WWOX: variants seen among roughly 807,000 people sequenced by gnomAD.
The protein encoded by WWOX is WW domain containing oxidoreductase.
In WWOX, 69 loss-of-function variants were observed where a neutral mutation model predicts 46.2. That is an observed-to-expected ratio of 1.49 (90% confidence interval 1.23 to 1.82). WWOX has a LOEUF of 1.82. Among genes scored for constraint, WWOX ranks in the 40% most tolerant of loss-of-function variants. WWOX has a pLI of 0.00. For missense variants in WWOX, 919 were observed against 542.6 expected, an observed-to-expected ratio of 1.69 and a Z score of -6.89; for synonymous variants, 359 against 202.6, an observed-to-expected ratio of 1.77 and a Z score of -6.56.
chr16:78,554,634 AG>A (rs1358853736), intron 8 of WWOX, among the ~76,000 whole-genome samples: 16 of 152,186 alleles, frequency 1.1e-4, no homozygotes, highest in East Asian at 9.7e-4. Flanking sequence ...CCTTTGGACA[AG>A]AAAAAATCCC....
chr16:78,510,489 A>T (rs1268740032), intron 8 of WWOX, among the ~76,000 whole-genome samples: 1 of 152,206 alleles, frequency 6.6e-6, no homozygotes, highest in Non-Finnish European at 1.5e-5. Flanking sequence ...CTGGGATTAC[A>T]GTCGTGAGCC....
chr16:78,304,570 A>G (rs1237157388), intron 5 of WWOX, among the ~76,000 whole-genome samples: 2 of 152,226 alleles, frequency 1.3e-5, no homozygotes, highest in African/African-American at 4.8e-5. Flanking sequence ...ACAATATTTC[A>G]TAGAGACTTT....
intron 8 of WWOX, among the ~76,000 whole-genome samples, chr16:78,697,950 G>A (rs1016570382): frequency 3.3e-5 from 5 of 152,062 alleles, no homozygotes; most frequent in African/African-American, 1.2e-4. Flanking sequence ...AATCACTCCA[G>A]GTTTTTCTTG....
chr16:78,964,074 C>G (rs1201356537), intron 8 of WWOX, among the ~76,000 whole-genome samples: 2 of 152,252 alleles, frequency 1.3e-5, no homozygotes, highest in East Asian at 1.9e-4. Flanking sequence ...CTTTTTCTTC[C>G]CGGTCTCAGG....
rs551581017 is a variant in WWOX, at chr16:78,163,413, G to A, written c.410-770G>A. 5.9e-5 allele frequency among the ~76,000 whole-genome samples: 9 copies of A among 152,302 alleles called. No homozygotes were observed. The South Asian group carries it at 1.9e-3, about 32-fold the overall frequency. On this transcript the variant is annotated intron_variant, in intron 4 of 8. Coordinates refer to ENST00000566780, the MANE Select transcript of WWOX (RefSeq NM_016373.4). Reference sequence around the variant, plus strand: ...CCCAAGGTTTGGTGTGTTTACCGTGGCCCTTTCCTGGTGGGTCCTGAGCTC... The same window carrying A: ...CCCAAGGTTTGGTGTGTTTACCGTGACCCTTTCCTGGTGGGTCCTGAGCTC...
intron 8 of WWOX, among the ~76,000 whole-genome samples, chr16:78,640,214 T>C (rs2046670362): frequency 6.7e-6 from 1 of 149,802 alleles, no homozygotes; most frequent in African/African-American, 2.5e-5. Flanking sequence ...TGTGTTTTCT[T>C]CTTGTTGTTG....
chr16:78,270,790 C>T (rs559058298), intron 5 of WWOX, among the ~76,000 whole-genome samples: 4 of 152,160 alleles, frequency 2.6e-5, no homozygotes, highest in African/African-American at 7.2e-5. Context: ...TAACTCCAGC[C>T]AGTAGCCTTT....
At chr16:78,326,401 C>T (rs1306126444) in intron 5 of WWOX, among the ~76,000 whole-genome samples, 4 of 151,998 alleles carry the variant, frequency 2.6e-5, no homozygotes, top group African/African-American at 4.8e-5. Context: ...TAGGAAAATG[C>T]CAGGTTGTAA....
At chr16:78,249,951 A>G (rs1079191) in intron 5 of WWOX, among the ~76,000 whole-genome samples, 45,460 of 152,032 alleles carry the variant, frequency 0.3, 7,069 homozygotes, top group East Asian at 0.43. Context: ...CCCTGCAGTA[A>G]TCAGAGGGCT....
At chr16:79,119,604 T>C (rs1186724232) in intron 8 of WWOX, among the ~76,000 whole-genome samples, 2 of 152,212 alleles carry the variant, frequency 1.3e-5, no homozygotes, top group East Asian at 1.9e-4. Flanking sequence ...AACTAAGGCA[T>C]GGATTCAATA....
chr16:78,531,692 A>AT (rs1555556191), intron 8 of WWOX, among the ~76,000 whole-genome samples: 5 of 151,870 alleles, frequency 3.3e-5, no homozygotes, highest in Non-Finnish European at 5.9e-5. Flanking sequence ...AAAATACAAA[A>AT]ATTTTTTTGT....
intron 8 of WWOX, among the ~76,000 whole-genome samples, chr16:78,736,388 T>C (rs1338662037): frequency 6.6e-6 from 1 of 152,054 alleles, no homozygotes; most frequent in Non-Finnish European, 1.5e-5. Context: ...AGCTAGGAAA[T>C]GGCACAGCAG....
intron 8 of WWOX, among the ~76,000 whole-genome samples, chr16:78,540,796 C>T (rs904041501): frequency 6.6e-6 from 1 of 152,144 alleles, no homozygotes; most frequent in Admixed American, 6.5e-5. Flanking sequence ...AAGCGATCTT[C>T]CCACCTCAGC....
At chr16:78,993,435 A>T (rs1198519549) in intron 8 of WWOX, among the ~76,000 whole-genome samples, 1 of 152,220 alleles carries the variant, frequency 6.6e-6, no homozygotes, top group African/African-American at 2.4e-5. Context: ...CGGACATGAC[A>T]GTGCGGCTGG....
rs370367979 is a variant in WWOX, at chr16:78,386,929, G to A, written c.586G>A (p.Ala196Thr). 8.7e-6 allele frequency: 14 copies of A among 1,614,128 alleles called. No individual in the cohort carries two copies. Among genetic ancestry groups the A allele is most frequent in the Admixed American group, 5.0e-5 (3 of 60,022 alleles). ...LLRSVQHFAE[A>T]FKAKNVPLHV... The stretch of plus-strand genomic sequence containing the variant: ...CCGTAGCGTGCAGCATTTTGCTGAA[G>A]CATTCAAGGCCAAGAATGTGTGAGT... Residue 196 changes from alanine (A) to threonine (T), a missense_variant, in exon 6 of 9, where the codon GCA becomes ACA. Coordinates refer to ENST00000566780, the MANE Select transcript of WWOX (RefSeq NM_016373.4).
At chr16:79,090,424 T>G (rs1414572492) in intron 8 of WWOX, among the ~76,000 whole-genome samples, 1 of 152,136 alleles carries the variant, frequency 6.6e-6, no homozygotes, top group Non-Finnish European at 1.5e-5. Context: ...GAGGGCCCTC[T>G]ATGTGCAATA....
intron 8 of WWOX, among the ~76,000 whole-genome samples, chr16:78,722,401 G>C (rs1183718488): frequency 6.6e-6 from 1 of 152,184 alleles, no homozygotes; most frequent in Non-Finnish European, 1.5e-5. Flanking sequence ...CAGTGATGGA[G>C]AAAATAGCTG....
chr16:78,942,524 G>A (rs1465612828), intron 8 of WWOX, among the ~76,000 whole-genome samples: 1 of 152,116 alleles, frequency 6.6e-6, no homozygotes, highest in African/African-American at 2.4e-5. Flanking sequence ...TGGGCAGTGG[G>A]ATGGGGGTAA....
chr16:78,851,593 CT>C (rs1180742126), intron 8 of WWOX, among the ~76,000 whole-genome samples: 6 of 152,202 alleles, frequency 3.9e-5, no homozygotes, highest in African/African-American at 1.2e-4. Context: ...GGGACTTTAT[CT>C]GTCTCATTCA....
Sources: gnomAD v4.1 joint callset for allele counts (sites outside exome capture counted in the v4.1 genomes callset) on GRCh38, gnomAD v4.1.1 for gene constraint, MANE v1.5 for transcripts, NCBI Gene and HGNC (gene_info 2026-07-23, HGNC 2026-07-21) for gene names.